RAB33B: variants seen among roughly 807,000 people sequenced by gnomAD.
RAB33B encodes ras-related protein Rab-33B.
A neutral mutation model predicts 15.0 loss-of-function variants in RAB33B; 6 were observed. The observed-to-expected ratio is 0.40, with a 90% CI of 0.22 to 0.79. The LOEUF is 0.79. Ranked by LOEUF, RAB33B falls within the 30% of genes least tolerant of loss-of-function variation. The pLI, the probability that RAB33B is intolerant of heterozygous loss-of-function variation, is 0.37. For synonymous variants in RAB33B, 117 were observed against 108.3 expected (o/e 1.08, Z -0.50); for missense variants, 257 against 296.4 (o/e 0.87, Z 0.98).
chr4:139,459,459 T>A (rs922821841), intron 1 of RAB33B, among the ~76,000 whole-genome samples: 2 of 151,966 alleles, frequency 1.3e-5, no homozygotes, highest in African/African-American at 4.8e-5. Flanking sequence ...AAGAGTCTCC[T>A]CACACCTCCA....
intron 1 of RAB33B, among the ~76,000 whole-genome samples, chr4:139,459,868 G>A (rs565825228): frequency 1.3e-5 from 2 of 152,120 alleles, no homozygotes; most frequent in African/African-American, 4.8e-5. Flanking sequence ...TCCTGACCTC[G>A]TGATCTGCCG....
chr4:139,462,342 C>T (rs1052378465), intron 1 of RAB33B, among the ~76,000 whole-genome samples: 6 of 152,004 alleles, frequency 3.9e-5, no homozygotes, highest in African/African-American at 7.2e-5. Context: ...CGTGAGCCAC[C>T]GCGCCCGGCC....
chr4:139,440,583 G>A, the RAB33B span, among the ~76,000 whole-genome samples: 1 of 151,974 alleles, frequency 6.6e-6, no homozygotes, highest in Non-Finnish European at 1.5e-5. Flanking sequence ...GAGATGGTTA[G>A]CTGCTGCTGT....
chr4:139,472,686 A>G lies in RAB33B; in HGVS notation c.250A>G (p.Ile84Val), dbSNP rs1335371166. 6.4e-7 allele frequency: 1 copy of G among 1,571,280 alleles called. No individual in the cohort carries two copies. Among genetic ancestry groups the G allele is most frequent in the Non-Finnish European group, 8.7e-7 (1 of 1,156,052 alleles). Reference sequence around the variant, plus strand: ...TTCCTCTTTTTCTTCCCATTTTTAGATCCAGCTATGGGACACAGCAGGACA... The same window carrying G: ...TTCCTCTTTTTCTTCCCATTTTTAGGTCCAGCTATGGGACACAGCAGGACA... ...AVEIDGERIK[I>V]QLWDTAGQER... The change falls in exon 2 of 2, where the codon ATC (isoleucine) becomes GTC (valine). Residue 84 changes from isoleucine to valine, a missense_variant and splice_region_variant. Transcript: ENST00000305626.
rs1453813984 is a variant in RAB33B at position 139,475,144 on chromosome 4, C to A, written c.*2018C>A. Reference sequence around the variant, plus strand: ...ATGCTGGAATTTAAAAATTGTTTTACTTGTATCGAAATTAACCTTGATTTA... The same window carrying A: ...ATGCTGGAATTTAAAAATTGTTTTAATTGTATCGAAATTAACCTTGATTTA... On this transcript the variant is annotated 3_prime_UTR_variant, in exon 2 of 2. Coordinates refer to ENST00000305626, the MANE Select transcript of RAB33B (RefSeq NM_031296.3). 6.6e-6 allele frequency: 1 copy of A among 151,910 alleles called. No individual in the cohort carries two copies. The highest frequency in any genetic ancestry group is 2.4e-5 in the African/African-American group (1 of 41,386). 9.4% of individuals were successfully genotyped at this position (151,910 alleles called of 1,614,324 possible).
intron 1 of RAB33B, among the ~76,000 whole-genome samples, chr4:139,469,919 G>A (rs1579182014): frequency 6.6e-6 from 1 of 152,112 alleles, no homozygotes; most frequent in East Asian, 1.9e-4. Flanking sequence ...GCACCCCTGT[G>A]ACCACCACCA....
Position 139,465,722 on chromosome 4 carries a change from CTTTT to C in RAB33B, c.250-6951_250-6948del, listed in dbSNP as rs375295002. ...TCTTAGGATTAAACTTCTTCTTCTTCTTTTTTTTTTTTTTTTGTTTTTTTGGAGA... is the reference window on the plus strand; with the variant it reads ...TCTTAGGATTAAACTTCTTCTTCTTCTTTTTTTTTTTTGTTTTTTTGGAGA... On this transcript the variant is annotated intron_variant, in intron 1 of 1. Transcript: ENST00000305626. Among the ~76,000 whole-genome samples the C allele has an allele frequency of 2.0e-4, 27 of 133,218 alleles. No individual in the cohort carries two copies. The South Asian group carries it at 2.1e-3, about 10-fold the overall frequency. The allele number at this position is 133,218 out of a possible 152,430, so 87.4% of individuals were successfully genotyped here. A position where few individuals can be genotyped will look rare whatever the true frequency, so the allele number is the denominator to read the frequency against.
chr4:139,454,522 T>A (rs974910643), intron 1 of RAB33B, 78 bp downstream of exon 1: 109 of 1,502,904 alleles, frequency 7.3e-5, no homozygotes, highest in Non-Finnish European at 9.1e-5. Context: ...GCTGGCCGTG[T>A]GCACGGTGTG....
At chr4:139,457,873 CCT>C (rs1750099547) in intron 1 of RAB33B, among the ~76,000 whole-genome samples, 1 of 152,124 alleles carries the variant, frequency 6.6e-6, no homozygotes, top group African/African-American at 2.4e-5. Flanking sequence ...TACTCTCACC[CCT>C]CTCTTTGCTC....
chr4:139,464,391 T>TTG (rs1352827559), intron 1 of RAB33B, among the ~76,000 whole-genome samples: 11 of 139,186 alleles, frequency 7.9e-5, no homozygotes, highest in South Asian at 6.6e-4. Context: ...ATACTGTTTT[T>TTG]TTTTTTTTTT....
In RAB33B at chr4:139,472,706, A is replaced by T. The variant is rs1446073896; in HGVS notation, c.270A>T (p.Ala90=). The T allele has an allele frequency of 6.2e-7, 1 of 1,603,938 alleles. No individual in the cohort carries two copies. Among genetic ancestry groups the T allele is most frequent in the Non-Finnish European group, 8.5e-7 (1 of 1,171,598 alleles). The part of the protein sequence containing the change: ...ERIKIQLWDT[A]GQERFRKSMV... ...TTTAGATCCAGCTATGGGACACAGC[A>T]GGACAAGAACGATTCAGAAAGAGCA... The change falls in exon 2 of 2, where the codon GCA becomes GCT. Residue 90 remains alanine, a synonymous_variant. Transcript: ENST00000305626.
intron 1 of RAB33B, among the ~76,000 whole-genome samples, chr4:139,466,961 CTTTTTTTT>C (rs35504904): frequency 2.9e-5 from 2 of 68,512 alleles, no homozygotes; most frequent in East Asian, 5.5e-4. Flanking sequence ...GAAGCACAAA[CTTTTTTTT>C]TTTTTTTTTT....
intron 1 of RAB33B, among the ~76,000 whole-genome samples, chr4:139,467,108 A>G (rs974013346): frequency 6.7e-6 from 1 of 150,170 alleles, no homozygotes; most frequent in African/African-American, 2.4e-5. Flanking sequence ...AGCTGGGACT[A>G]TGGGCACCTG....
At chr4:139,440,800 C>T in the RAB33B span, among the ~76,000 whole-genome samples, 8 of 152,090 alleles carry the variant, frequency 5.3e-5, no homozygotes, top group African/African-American at 1.2e-4. Context: ...TTCGTAGAGA[C>T]GGATTTTGCC....
the RAB33B span, among the ~76,000 whole-genome samples, chr4:139,443,194 A>G: frequency 0.21 from 31,462 of 151,936 alleles, 3,582 homozygotes; most frequent in Non-Finnish European, 0.26. Flanking sequence ...GGGTTTCACC[A>G]TGTTAGCCAG....
intron 1 of RAB33B, among the ~76,000 whole-genome samples, chr4:139,463,976 T>C (rs1750223354): frequency 6.6e-6 from 1 of 152,172 alleles, no homozygotes; most frequent in Non-Finnish European, 1.5e-5. Flanking sequence ...TACAGTAAAG[T>C]GTAGAGTTAT....
chr4:139,472,368 A>G (rs1750408638), intron 1 of RAB33B, among the ~76,000 whole-genome samples: 1 of 152,212 alleles, frequency 6.6e-6, no homozygotes, highest in Non-Finnish European at 1.5e-5. Context: ...TAACATGTTA[A>G]CACCTGATAT....
intron 1 of RAB33B, among the ~76,000 whole-genome samples, chr4:139,471,493 G>A (rs1283595382): frequency 1.3e-5 from 2 of 151,058 alleles, no homozygotes; most frequent in Admixed American, 1.3e-4. Flanking sequence ...GGTACTATGA[G>A]TGCTCACCTG....
chr4:139,448,734 G>C (rs1749870305), upstream of RAB33B: 1 of 151,400 alleles, frequency 6.6e-6, no homozygotes, highest in South Asian at 2.1e-4. Context: ...TTATTTTTGT[G>C]AAAATATGTG....
Sources: gnomAD v4.1 joint callset for allele counts (sites outside exome capture counted in the v4.1 genomes callset) on GRCh38, gnomAD v4.1.1 for gene constraint, MANE v1.5 for transcripts, NCBI Gene and HGNC (gene_info 2026-07-23, HGNC 2026-07-21) for gene names.